Variants in OLFM1 observed in about 807,000 individuals in gnomAD.
OLFM1 encodes noelin.
A neutral mutation model predicts 49.7 loss-of-function variants in OLFM1; 9 were observed. The ratio of observed to expected loss-of-function variants is 0.18; its 90% CI spans 0.11 to 0.32. The LOEUF (loss-of-function observed/expected upper bound fraction) is 0.32. OLFM1 is among the 10% of genes least tolerant of loss of function. OLFM1 has a pLI of 1.00. For missense variants in OLFM1, 369 were observed against 661.8 expected (o/e 0.56, Z 4.85); for synonymous variants, 240 against 271.8 (o/e 0.88, Z 1.15).
At position 135,096,006 on chromosome 9, in the gene OLFM1, C is replaced by A; in HGVS notation, c.443C>A (p.Ala148Asp). The change falls in exon 3 of 6, where the codon GCC (alanine) becomes GAC (aspartate). Residue 148 changes from alanine (A) to aspartate (D), a missense_variant. Physicochemically the swap from Ala to Asp is moderately radical, Grantham distance 126. This residue lies in a region of OLFM1 where 294 missense variants were observed against 567.5 expected (regional missense o/e 0.52). Coordinates refer to ENST00000371793, the MANE Select transcript of OLFM1 (RefSeq NM_001282611.2). ...GAGGAGAGTCATAAGCAACACCTGG[C>A]CAGGCAGTTTAAGGTATGCATGTTC... Reference protein sequence around the residue: ...QVEESHKQHLARQFKAIKAKM... With the variant: ...QVEESHKQHLDRQFKAIKAKM... The A allele has an allele frequency of 6.2e-7, 1 of 1,604,574 alleles. No homozygotes were observed. Among genetic ancestry groups the A allele is most frequent in the Non-Finnish European group, 8.5e-7 (1 of 1,174,242 alleles).
At chr9:135,111,133 A>G (rs898869198) in intron 5 of OLFM1, among the ~76,000 whole-genome samples, 1 of 152,256 alleles carries the variant, frequency 6.6e-6, no homozygotes, top group African/African-American at 2.4e-5. Flanking sequence ...AGGTTCAGAC[A>G]GCCAGTTTTT....
intron 4 of OLFM1, among the ~76,000 whole-genome samples, chr9:135,099,462 AC>A (rs1452802260): frequency 6.6e-6 from 1 of 152,090 alleles, no homozygotes; most frequent in East Asian, 1.9e-4. Flanking sequence ...TAAACCTAAA[AC>A]ATCCAAAAAG....
At chr9:135,086,028 T>G (rs1830591908), upstream of OLFM1, among the ~76,000 whole-genome samples, 1 of 152,214 alleles carries the variant, frequency 6.6e-6, no homozygotes, top group Non-Finnish European at 1.5e-5. Flanking sequence ...TTGGGTTGCA[T>G]TTGAATTTGT....
At chr9:135,110,894 C>T (rs554174402) in intron 5 of OLFM1, among the ~76,000 whole-genome samples, 37 of 152,352 alleles carry the variant, frequency 2.4e-4, no homozygotes, top group Admixed American at 1.3e-3. Context: ...AGTGCCAGCG[C>T]GGGCCCAAGT....
upstream of OLFM1, chr9:135,087,653 G>A (rs1015118880): frequency 9.4e-6 from 5 of 530,872 alleles, no homozygotes; most frequent in African/African-American, 8.1e-5. Flanking sequence ...CCCGCGCGCA[G>A]CCCGCGCAGC....
rs1166429896 is a variant in OLFM1 at position 135,088,963 on chromosome 9, C to T, written c.150+824C>T. ...GAGCGAGGCTGAGCTGAAACCGCCA[C>T]CCGGAGGGCCGCGCGGGGAAGGGGC... is the stretch of plus-strand genomic sequence containing the variant. On this transcript the variant is annotated intron_variant, in intron 1 of 5. Coordinates refer to ENST00000371793, the MANE Select transcript of OLFM1 (RefSeq NM_001282611.2). The surrounding 1 kb of genome is among the most constrained non-coding windows in gnomAD (Gnocchi z 4.8). 6.6e-6 allele frequency among the ~76,000 whole-genome samples: 1 copy of T among 152,214 alleles called. No homozygotes were observed. Among genetic ancestry groups the T allele is most frequent in the Non-Finnish European group, 1.5e-5 (1 of 68,038 alleles).
At chr9:135,107,613 G>T (rs1395418947) in intron 5 of OLFM1, among the ~76,000 whole-genome samples, 1 of 152,214 alleles carries the variant, frequency 6.6e-6, no homozygotes, top group Non-Finnish European at 1.5e-5. Flanking sequence ...CTCTCGATGG[G>T]GGAGGGAAGC....
At position 135,096,012 on chromosome 9, in the gene OLFM1, A is replaced by G. The variant is rs762491914; in HGVS notation, c.449A>G (p.Gln150Arg). The G allele has an allele frequency of 6.7e-7, 1 of 1,485,618 alleles. No homozygotes were observed. Among genetic ancestry groups the G allele is most frequent in the Admixed American group, 1.9e-5 (1 of 52,014 alleles). The allele number at this position is 1,485,618 out of a possible 1,614,324, so 92.0% of individuals were successfully genotyped here. A position where few individuals can be genotyped will look rare whatever the true frequency, so the allele number is the denominator to read the frequency against. Residue 150 changes from glutamine to arginine, a missense_variant, in exon 3 of 6, where the codon CAG becomes CGG. By Grantham distance (43) the Gln-to-Arg change is conservative. This residue lies in a region of OLFM1 where 294 missense variants were observed against 567.5 expected (regional missense o/e 0.52). Coordinates refer to ENST00000371793, the MANE Select transcript of OLFM1 (RefSeq NM_001282611.2). Reference sequence around the variant, plus strand: ...AGTCATAAGCAACACCTGGCCAGGCAGTTTAAGGTATGCATGTTCCTCCCC... The same window carrying G: ...AGTCATAAGCAACACCTGGCCAGGCGGTTTAAGGTATGCATGTTCCTCCCC... ...EESHKQHLAR[Q>R]FKAIKAKMDE...
intron 2 of OLFM1, among the ~76,000 whole-genome samples, chr9:135,091,561 T>A (rs1564270486): frequency 1.6e-5 from 2 of 123,268 alleles, no homozygotes; most frequent in African/African-American, 6.1e-5. Flanking sequence ...ACACTCATAG[T>A]CACACACACA....
Position 135,088,464 on chromosome 9 carries a change from C to T in OLFM1, c.150+325C>T, listed in dbSNP as rs147820120. 4.3e-3 allele frequency among the ~76,000 whole-genome samples: 661 copies of T among 152,124 alleles called. 1 individual carries two copies. Among genetic ancestry groups the T allele is most frequent in the African/African-American group, 0.015 (619 of 41,498 alleles). ...AGTCCTGGGTCAGTAATCATGAGCC[C>T]CCCATTGAAAAGGTTAGGAAACTAA... is the stretch of plus-strand genomic sequence containing the variant. On this transcript the variant is annotated intron_variant, in intron 1 of 5. Coordinates refer to ENST00000371793, the MANE Select transcript of OLFM1 (RefSeq NM_001282611.2). The surrounding 1 kb of genome is among the most constrained non-coding windows in gnomAD (Gnocchi z 4.8).
intron 1 of OLFM1, among the ~76,000 whole-genome samples, chr9:135,082,019 T>C (rs1830539560): frequency 6.6e-6 from 1 of 152,256 alleles, no homozygotes; most frequent in Non-Finnish European, 1.5e-5. Flanking sequence ...CTGCTTCTTC[T>C]GTGCTCGTGT....
Position 135,119,523 on chromosome 9 carries a change from A to G in OLFM1, c.803A>G (p.Tyr268Cys), listed in dbSNP as rs1831157503. ...GDNRVWYMDG[Y>C]HNNRFVREYK... ...CCACAGGTGTGGTACATGGACGGCT[A>G]TCACAACAACCGCTTCGTACGTGAG... Residue 268 changes from tyrosine (Y) to cysteine (C), a missense_variant, in exon 6 of 6, where the codon TAT (tyrosine) becomes TGT (cysteine). Transcript: ENST00000371793. 6.2e-7 allele frequency: 1 copy of G among 1,608,332 alleles called. No individual in the cohort carries two copies. Among genetic ancestry groups the G allele is most frequent in the African/African-American group, 1.3e-5 (1 of 74,858 alleles).
Position 135,087,854 on chromosome 9 carries a change from G to T in OLFM1, c.-136G>T. 1 of 955,462 alleles carries T rather than the reference G, an allele frequency of 1.0e-6. No individual in the cohort carries two copies. Among genetic ancestry groups the T allele is most frequent in the Non-Finnish European group, 1.2e-6 (1 of 805,814 alleles). The allele number at this position is 955,462 out of a possible 1,614,324, so 59.2% of individuals were successfully genotyped here. On this transcript the variant is annotated 5_prime_UTR_variant, in exon 1 of 6. Transcript: ENST00000371793. ...GCGCGGGGCGGCGGCGGCGGCGGGC[G>T]GGCGGCGGCGGGCCGAGGGGGCGCG...
intron 5 of OLFM1, among the ~76,000 whole-genome samples, chr9:135,109,132 T>C (rs1162293501): frequency 6.6e-6 from 1 of 152,144 alleles, no homozygotes. Context: ...GCTTTGTCTG[T>C]ACCTTACACC....
At chr9:135,087,176 G>T, upstream of OLFM1, 1 of 1,361,748 alleles carries the variant, frequency 7.3e-7, no homozygotes, top group Non-Finnish European at 9.5e-7. Context: ...CCTGGCGCTG[G>T]AGGCCCTCGC....
intron 4 of OLFM1, among the ~76,000 whole-genome samples, chr9:135,103,676 C>T (rs1830900549): frequency 6.6e-6 from 1 of 152,104 alleles, no homozygotes; most frequent in Non-Finnish European, 1.5e-5. Flanking sequence ...CCAGGGTGGG[C>T]GGGATGAAGT....
chr9:135,075,703 C>G (rs1226987084), exon 1 of OLFM1: 1 of 1,594,450 alleles, frequency 6.3e-7, no homozygotes, highest in Non-Finnish European at 8.5e-7. Flanking sequence ...ACCCAGGGCC[C>G]TGCATGCCAG....
At chr9:135,091,805 ACACT>A (rs1349436544) in intron 2 of OLFM1, among the ~76,000 whole-genome samples, 246 of 150,978 alleles carry the variant, frequency 1.6e-3, no homozygotes, top group African/African-American at 5.5e-3. Context: ...ACAGTCACAC[ACACT>A]CACATAGTCA....
chr9:135,091,705 A>ACACAGT (rs1554752855), intron 2 of OLFM1, among the ~76,000 whole-genome samples: 1 of 51,762 alleles, frequency 1.9e-5, no homozygotes, highest in South Asian at 5.6e-4. Context: ...ACACAGTCAC[A>ACACAGT]CTCACACATA....
Sources: allele counts gnomAD v4.1 joint callset (sites outside exome capture counted in the v4.1 genomes callset), GRCh38; gene constraint gnomAD v4.1.1; regional missense constraint gnomAD v4.1.1; non-coding constraint Gnocchi (gnomAD v3.1); transcripts MANE v1.5; gene names NCBI Gene and HGNC (gene_info 2026-07-23, HGNC 2026-07-21).